Variants in WDPCP observed in about 807,000 individuals in gnomAD.
WDPCP encodes the protein WD repeat containing planar cell polarity effector, also known as WD repeat-containing and planar cell polarity effector protein fritz homolog.
In WDPCP, 71 loss-of-function variants were observed where a neutral mutation model predicts 93.1. The ratio of observed to expected loss-of-function variants is 0.76; its 90% CI spans 0.63 to 0.93. WDPCP has a LOEUF of 0.93. Among genes scored for constraint, WDPCP ranks in the 40% least tolerant of loss-of-function variants. The pLI is 0.00. For synonymous variants in WDPCP, 315 were observed against 315.0 expected, an observed-to-expected ratio of 1.00 and a Z score of 0.00; for missense variants, 844 against 887.4, an observed-to-expected ratio of 0.95 and a Z score of 0.62.
intron 17 of WDPCP, among the ~76,000 whole-genome samples, chr2:63,151,049 A>T (rs528629417): frequency 6.6e-6 from 1 of 152,336 alleles, no homozygotes; most frequent in Non-Finnish European, 1.5e-5. Context: ...GTTGTGACAG[A>T]TTACATTACA....
chr2:63,323,086 C>A (rs749443387), intron 12 of WDPCP, among the ~76,000 whole-genome samples: 1 of 152,222 alleles, frequency 6.6e-6, no homozygotes, highest in Non-Finnish European at 1.5e-5. Flanking sequence ...GAGAGGAAAG[C>A]CATTCAGCTC....
intron 14 of WDPCP, among the ~76,000 whole-genome samples, chr2:63,184,503 C>CA (rs1444539595): frequency 2.0e-5 from 3 of 151,978 alleles, no homozygotes; most frequent in Non-Finnish European, 2.9e-5. Context: ...CTGTGGTTGA[C>CA]AATTTTTTTT....
At chr2:63,730,139 C>T (rs1235844294) in intron 2 of WDPCP, among the ~76,000 whole-genome samples, 1 of 152,088 alleles carries the variant, frequency 6.6e-6, no homozygotes, top group Admixed American at 6.5e-5. Context: ...TTCCAAGCGA[C>T]ATTTGTATGC....
chr2:63,413,948 T>G (rs1282992107), intron 9 of WDPCP, among the ~76,000 whole-genome samples: 3 of 151,118 alleles, frequency 2.0e-5, no homozygotes, highest in Admixed American at 6.6e-5. Flanking sequence ...AGGATTAATA[T>G]CTAGAATCTA....
chr2:63,165,911 T>C (rs1672932873), intron 15 of WDPCP, among the ~76,000 whole-genome samples: 1 of 151,966 alleles, frequency 6.6e-6, no homozygotes, highest in Non-Finnish European at 1.5e-5. Flanking sequence ...TTTGATATCT[T>C]ACTACAGTTT....
intron 12 of WDPCP, among the ~76,000 whole-genome samples, chr2:63,342,080 A>G (rs1688883544): frequency 6.6e-6 from 1 of 152,186 alleles, no homozygotes; most frequent in South Asian, 2.1e-4. Flanking sequence ...ATCAGGAATT[A>G]GATTCTCATA....
intron 2 of WDPCP, among the ~76,000 whole-genome samples, chr2:63,705,589 T>C (rs570962865): frequency 6.6e-6 from 1 of 152,350 alleles, no homozygotes; most frequent in East Asian, 1.9e-4. Context: ...TTGTTCAGTT[T>C]CCATGTAGTT....
chr2:63,477,053 G>T (rs983276484), intron 6 of WDPCP, among the ~76,000 whole-genome samples: 1 of 152,080 alleles, frequency 6.6e-6, no homozygotes, highest in South Asian at 2.1e-4. Flanking sequence ...AAATTTACAT[G>T]CACAATTCAA....
chr2:63,751,901 C>T, intron 2 of WDPCP: 5 of 687,990 alleles, frequency 7.3e-6, no homozygotes, highest in South Asian at 6.8e-5. Context: ...CTTCCATCAC[C>T]AAATCCATTA....
At chr2:63,836,440 G>C in the WDPCP span, among the ~76,000 whole-genome samples, 1 of 152,204 alleles carries the variant, frequency 6.6e-6, no homozygotes, top group African/African-American at 2.4e-5. Context: ...GTGAGGATTT[G>C]AAAGTCAATA....
At chr2:63,656,853 G>A (rs1710172459) in intron 2 of WDPCP, among the ~76,000 whole-genome samples, 1 of 151,922 alleles carries the variant, frequency 6.6e-6, no homozygotes, top group Admixed American at 6.6e-5. Context: ...AGGAATGAAA[G>A]GTGTCTGCCT....
chr2:63,204,549 C>T (rs1329888836), intron 14 of WDPCP, among the ~76,000 whole-genome samples: 1 of 151,910 alleles, frequency 6.6e-6, no homozygotes, highest in Non-Finnish European at 1.5e-5. Flanking sequence ...ACCATGTTGG[C>T]CAGGCTGGTC....
At chr2:63,391,871 C>G (rs937224571) in intron 10 of WDPCP, among the ~76,000 whole-genome samples, 5 of 152,036 alleles carry the variant, frequency 3.3e-5, no homozygotes, top group Non-Finnish European at 5.9e-5. Context: ...AACCACTGCT[C>G]AAGGAAATAA....
chr2:63,642,655 T>G (rs1465187425), intron 3 of WDPCP: 1 of 152,176 alleles, frequency 6.6e-6, no homozygotes, highest in African/African-American at 2.4e-5. Flanking sequence ...GATTTTTGTA[T>G]CCTTCAACTT....
In WDPCP at chr2:63,629,025, C is replaced by T. The variant is rs548607683; in HGVS notation, n.488+21634G>A. On this transcript the variant is annotated intron_variant and non_coding_transcript_variant, in intron 3 of 4. Coordinates refer to the WDPCP transcript ENST00000467687. ...TAGAAAGGTAGAGTAGACATTCTTT[C>T]ATCTATTATTTCCTCTAAGTATAAC... Among the ~76,000 whole-genome samples, 3 of 152,302 alleles carry T rather than the reference C, an allele frequency of 2.0e-5. No individual in the cohort carries two copies. In the East Asian group the frequency reaches 5.8e-4, roughly 29 times the overall value.
rs187188719 is a variant in WDPCP at position 63,213,743 on chromosome 2, G to C, written c.1916-38911C>G. Among the ~76,000 whole-genome samples, 1,210 of 152,036 alleles carry C rather than the reference G, an allele frequency of 8.0e-3. 11 individuals carry two copies. Among genetic ancestry groups the C allele is most frequent in the African/African-American group, 0.024 (1,005 of 41,468 alleles). ...GACTGCTAGCAAGACTAATAAAGAA[G>C]AAAAGACGAAGAATTAAATAGACAC... On this transcript the variant is annotated intron_variant, in intron 14 of 17. Transcript: ENST00000272321.
rs373808338 is a variant in WDPCP at position 63,521,501 on chromosome 2, T to C, written c.76-28561A>G. On this transcript the variant is annotated intron_variant, in intron 1 of 17. Coordinates refer to ENST00000272321, the MANE Select transcript of WDPCP (RefSeq NM_015910.7). ...GGTAAAAGGCTCAATACACACCCCA[T>C]ACAGGAGCACCCAGATTCATAAAGT... 9.2e-5 allele frequency among the ~76,000 whole-genome samples: 14 copies of C among 151,972 alleles called. No individual in the cohort carries two copies. In the South Asian group the frequency reaches 1.5e-3, roughly 16 times the overall value.
chr2:63,787,070 C>A lies in WDPCP; in HGVS notation n.308+26552G>T, dbSNP rs181124712. Among the ~76,000 whole-genome samples the A allele has an allele frequency of 8.3e-4, 126 of 152,164 alleles. 4 individuals carry two copies. The East Asian group carries it at 0.015, about 18-fold the overall frequency. ...TAACCCTCTCCTATGAGTAAATCTG[C>A]CTTGACATTTAAAAAAATTATATAA... is the stretch of plus-strand genomic sequence containing the variant. On this transcript the variant is annotated intron_variant and non_coding_transcript_variant, in intron 2 of 4. Coordinates refer to the WDPCP transcript ENST00000467687.
intron 14 of WDPCP, among the ~76,000 whole-genome samples, chr2:63,176,947 A>G (rs926414963): frequency 9.2e-5 from 14 of 152,202 alleles, no homozygotes; most frequent in Admixed American, 3.9e-4. Context: ...GTGGTGTAAC[A>G]AAAGGGTCCA....
Sources: gnomAD v4.1 joint callset for allele counts (sites outside exome capture counted in the v4.1 genomes callset) on GRCh38, gnomAD v4.1.1 for gene constraint, MANE v1.5 for transcripts, NCBI Gene and HGNC (gene_info 2026-07-23, HGNC 2026-07-21) for gene names.